Variants in APPBP2 observed in about 807,000 individuals in gnomAD.
APPBP2 encodes amyloid beta precursor protein binding protein 2.
A neutral mutation model predicts 76.0 loss-of-function variants in APPBP2; 15 were observed. The observed-to-expected ratio is 0.20, with a 90% confidence interval of 0.13 to 0.30. The LOEUF (loss-of-function observed/expected upper bound fraction) is 0.30. Ranked by LOEUF, APPBP2 falls within the 10% of genes least tolerant of loss-of-function variation. The probability of loss-of-function intolerance (pLI) is 1.00; values close to 1 mark genes in which losing one functional copy is unlikely to be tolerated. For missense variants in APPBP2, 401 were observed against 687.2 expected (o/e 0.58, Z 4.66); for synonymous variants, 222 against 242.2 (o/e 0.92, Z 0.77).
At chr17:60,504,580 G>A (rs1034944833) in intron 1 of APPBP2, among the ~76,000 whole-genome samples, 2 of 152,148 alleles carry the variant, frequency 1.3e-5, no homozygotes, top group African/African-American at 4.8e-5. Context: ...TGCTAACATT[G>A]CTTTCCTAAG....
chr17:60,502,859 C>T (rs2090833251), intron 1 of APPBP2, among the ~76,000 whole-genome samples: 1 of 145,536 alleles, frequency 6.9e-6, no homozygotes, highest in East Asian at 1.9e-4. Context: ...TCAAAAAAAA[C>T]AAAAAAAGAA....
intron 4 of APPBP2, among the ~76,000 whole-genome samples, chr17:60,475,532 T>C (rs764866978): frequency 5.9e-5 from 9 of 152,102 alleles, no homozygotes; most frequent in Non-Finnish European, 1.0e-4. Flanking sequence ...GTACAGTATT[T>C]TCTCTCAGTA....
At chr17:60,510,554 C>G (rs2090903521) in intron 1 of APPBP2, among the ~76,000 whole-genome samples, 1 of 149,556 alleles carries the variant, frequency 6.7e-6, no homozygotes, top group Admixed American at 6.7e-5. Flanking sequence ...AGACCCCCAT[C>G]ACTACAAAAA....
intron 9 of APPBP2, among the ~76,000 whole-genome samples, chr17:60,457,499 T>C (rs2090440129): frequency 6.6e-6 from 1 of 152,160 alleles, no homozygotes; most frequent in African/African-American, 2.4e-5. Flanking sequence ...CAATCATGGC[T>C]CACCGCAGCC....
chr17:60,504,735 C>T (rs578033364), intron 1 of APPBP2, among the ~76,000 whole-genome samples: 10 of 152,172 alleles, frequency 6.6e-5, no homozygotes, highest in African/African-American at 9.6e-5. Flanking sequence ...AGTCAGGAGG[C>T]GGAGGTTGCA....
At chr17:60,499,579 C>T (rs1479495460) in intron 2 of APPBP2, among the ~76,000 whole-genome samples, 1 of 152,116 alleles carries the variant, frequency 6.6e-6, no homozygotes, top group South Asian at 2.1e-4. Context: ...ACCAAAATAA[C>T]TGAAGGCAGG....
chr17:60,473,294 G>A (rs1439230946), intron 4 of APPBP2, among the ~76,000 whole-genome samples: 1 of 152,116 alleles, frequency 6.6e-6, no homozygotes, highest in Non-Finnish European at 1.5e-5. Context: ...CACTGATAAT[G>A]TTTAAACTAA....
intron 3 of APPBP2, among the ~76,000 whole-genome samples, chr17:60,490,273 C>A (rs2090716999): frequency 6.6e-6 from 1 of 151,974 alleles, no homozygotes; most frequent in African/African-American, 2.4e-5. Flanking sequence ...TTGATATTGC[C>A]CTACAGTTAT....
rs1273152542 is a variant in APPBP2, at chr17:60,492,697, T to C, written c.379+1769A>G. Among the ~76,000 whole-genome samples the C allele has an allele frequency of 3.9e-5, 6 of 152,224 alleles. No homozygotes were observed. The East Asian group carries it at 9.6e-4, about 24-fold the overall frequency. Reference sequence around the variant, plus strand: ...GGAATGGTTGTATTTATCCAATGCATGTACCCCCACTGTATCTAGGAAATA... The same window carrying C: ...GGAATGGTTGTATTTATCCAATGCACGTACCCCCACTGTATCTAGGAAATA... On this transcript the variant is annotated intron_variant, in intron 3 of 12. Transcript: ENST00000083182.
intron 3 of APPBP2, among the ~76,000 whole-genome samples, chr17:60,494,134 A>G (rs2090753571): frequency 6.6e-6 from 1 of 152,200 alleles, no homozygotes. Flanking sequence ...ATGGTAGAAA[A>G]ACACATATTA....
chr17:60,505,826 G>C (rs1157527346), intron 1 of APPBP2, among the ~76,000 whole-genome samples: 1 of 151,420 alleles, frequency 6.6e-6, no homozygotes, highest in Non-Finnish European at 1.5e-5. Flanking sequence ...TGGGATTACA[G>C]GCGCCCGCCA....
intron 1 of APPBP2, among the ~76,000 whole-genome samples, chr17:60,506,739 T>TA (rs1008601389): frequency 1.3e-5 from 2 of 152,080 alleles, no homozygotes; most frequent in Admixed American, 6.6e-5. Flanking sequence ...TTTTCTTTTT[T>TA]AAAAAAAACA....
intron 5 of APPBP2, chr17:60,465,290 T>C (rs1207469469): frequency 6.6e-6 from 1 of 152,218 alleles, no homozygotes; most frequent in Admixed American, 6.5e-5. Flanking sequence ...GACAGGGATA[T>C]ATTATGAGCC....
chr17:60,449,389 C>T (rs1201373310), intron 12 of APPBP2, among the ~76,000 whole-genome samples: 3 of 152,062 alleles, frequency 2.0e-5, no homozygotes, highest in African/African-American at 4.8e-5. Flanking sequence ...GTCAGAAGTT[C>T]GAGACCAACC....
chr17:60,498,221 T>G, intron 2 of APPBP2, among the ~76,000 whole-genome samples: 1 of 151,988 alleles, frequency 6.6e-6, no homozygotes, highest in African/African-American at 2.4e-5. Context: ...ATGAATTCAA[T>G]CTCCCTTTCT....
intron 11 of APPBP2, among the ~76,000 whole-genome samples, chr17:60,452,575 G>C (rs544675189): frequency 1.5e-4 from 23 of 152,206 alleles, no homozygotes; most frequent in African/African-American, 4.8e-4. Context: ...TGCTTTTCAG[G>C]TAAAGAAGAC....
intron 10 of APPBP2, among the ~76,000 whole-genome samples, chr17:60,455,148 A>G (rs2090422885): frequency 6.6e-6 from 1 of 152,212 alleles, no homozygotes; most frequent in South Asian, 2.1e-4. Flanking sequence ...TAATTATAAG[A>G]GTCAAATAAT....
rs1226857727 is a variant in APPBP2 at position 60,447,749 on chromosome 17, G to A, written c.1590C>T (p.Tyr530=). The change falls in exon 13 of 13, where the codon TAC becomes TAT. Residue 530 remains tyrosine, a synonymous_variant. Transcript: ENST00000083182. ...LIKLYNSIGN[Y]EKVFEYHNVL... ...CATTGTGATATTCAAACACTTTCTC[G>A]TAATTTCCAATGGAGTTGTAAAGTT... is the stretch of plus-strand genomic sequence containing the variant. The A allele has an allele frequency of 1.2e-5, 20 of 1,613,546 alleles. No individual in the cohort carries two copies. The highest frequency in any genetic ancestry group is 4.5e-5 in the East Asian group (2 of 44,874).
chr17:60,458,586 G>GC (rs1415663489), intron 9 of APPBP2, among the ~76,000 whole-genome samples: 1 of 152,180 alleles, frequency 6.6e-6, no homozygotes, highest in Admixed American at 6.5e-5. Context: ...ATTCTCTGCT[G>GC]CAACTACTGA....
Sources: gnomAD v4.1 joint callset for allele counts (sites outside exome capture counted in the v4.1 genomes callset) on GRCh38, gnomAD v4.1.1 for gene constraint, MANE v1.5 for transcripts, NCBI Gene and HGNC (gene_info 2026-07-23, HGNC 2026-07-21) for gene names.